Variants in PHKA1 observed in about 807,000 individuals in gnomAD.
PHKA1 encodes phosphorylase kinase regulatory subunit alpha 1, also known as phosphorylase b kinase regulatory subunit alpha, skeletal muscle isoform.
PHKA1 carries 60 observed loss-of-function variants against 110.2 expected under a neutral mutation model. That is an observed-to-expected ratio of 0.54 (90% CI 0.44 to 0.68). The LOEUF is 0.68. Among genes scored for constraint, PHKA1 ranks in the 30% least tolerant of loss-of-function variants. The probability of loss-of-function intolerance (pLI) is 0.00; values close to 1 mark genes in which losing one functional copy is unlikely to be tolerated. For synonymous variants in PHKA1, 316 were observed against 333.6 expected (o/e 0.95, Z 0.58); for missense variants, 801 against 942.5 (o/e 0.85, Z 1.97).
intron 6 of PHKA1, among the ~76,000 whole-genome samples, chrX:72,669,996 A>G (rs2053666938): frequency 1.8e-5 from 2 of 111,125 alleles, no homozygotes; most frequent in Non-Finnish European, 3.8e-5. Context: ...CAGTCCCACC[A>G]ACAGTGTAAA....
intron 28 of PHKA1, among the ~76,000 whole-genome samples, chrX:72,599,346 T>C (rs1419308674): frequency 1.1e-4 from 12 of 111,720 alleles, no homozygotes; most frequent in African/African-American, 3.9e-4. Flanking sequence ...CCTCCTAAAT[T>C]GTAAGCTTCA....
At chrX:72,704,194 A>AATGCAAATTACTGCAAGGAG (rs1556331235) in intron 3 of PHKA1, among the ~76,000 whole-genome samples, 1 of 112,113 alleles carries the variant, frequency 8.9e-6, no homozygotes, top group Non-Finnish European at 1.9e-5. Flanking sequence ...AGGTCAGGAA[A>AATGCAAATTACTGCAAGGAG]ATGCAAATTA....
intron 10 of PHKA1, among the ~76,000 whole-genome samples, chrX:72,655,065 G>A (rs2053475863): frequency 9.1e-6 from 1 of 110,307 alleles, no homozygotes; most frequent in African/African-American, 3.3e-5. Flanking sequence ...CCAAAGTGCT[G>A]GGATTACAGG....
Position 72,714,075 on chromosome X carries a change from G to C in PHKA1, c.-195C>G. ...CCTCTCCGGACTCCGGCGGCCTCAG[G>C]GGCCCACCACGCGCCAGCGCTAGCA... is the stretch of plus-strand genomic sequence containing the variant. On this transcript the variant is annotated 5_prime_UTR_variant, in exon 1 of 32. Coordinates refer to ENST00000373542, the MANE Select transcript of PHKA1 (RefSeq NM_002637.4). 1 of 457,880 alleles carries C rather than the reference G, an allele frequency of 2.2e-6. No homozygotes were observed. Among genetic ancestry groups the C allele is most frequent in the Non-Finnish European group, 3.8e-6 (1 of 260,253 alleles). 37.7% of individuals were successfully genotyped at this position (457,880 alleles called of 1,213,427 possible). A position where few individuals can be genotyped will look rare whatever the true frequency, so the allele number is the denominator to read the frequency against.
At chrX:72,682,934 T>TTAA (rs1556317402) in intron 5 of PHKA1, among the ~76,000 whole-genome samples, 12 of 63,830 alleles carry the variant, frequency 1.9e-4, no homozygotes, top group African/African-American at 5.9e-4. Flanking sequence ...AAAAATAAAT[T>TTAA]AAAAAAAAAA....
chrX:72,713,714 G>T, intron 1 of PHKA1, 89 bp downstream of exon 1: 2 of 617,279 alleles, frequency 3.2e-6, no homozygotes, highest in Non-Finnish European at 5.3e-6. Context: ...ACACACGCAC[G>T]CACGCACGGA....
chrX:72,611,790 A>T (rs1453190423), intron 21 of PHKA1, among the ~76,000 whole-genome samples: 2 of 112,253 alleles, frequency 1.8e-5, no homozygotes, highest in African/African-American at 6.5e-5. Flanking sequence ...TGATAACACT[A>T]TTTTGGTGAG....
intron 4 of PHKA1, among the ~76,000 whole-genome samples, chrX:72,687,618 T>A (rs1200911005): frequency 9.0e-6 from 1 of 110,877 alleles, no homozygotes; most frequent in Non-Finnish European, 1.9e-5. Context: ...TTGCTTCCCC[T>A]TTTCTGTGGT....
chrX:72,642,073 A>C (rs2053303665), intron 14 of PHKA1, among the ~76,000 whole-genome samples: 1 of 112,453 alleles, frequency 8.9e-6, no homozygotes, highest in Non-Finnish European at 1.9e-5. Flanking sequence ...TATCAGGAAG[A>C]TAAATGTCCA....
At chrX:72,651,799 C>G (rs1466007639) in intron 12 of PHKA1, among the ~76,000 whole-genome samples, 1 of 111,675 alleles carries the variant, frequency 9.0e-6, no homozygotes, top group Non-Finnish European at 1.9e-5. Flanking sequence ...TATACATAAA[C>G]AGGTCAAAGA....
At chrX:72,698,674 G>A (rs960181215) in intron 3 of PHKA1, among the ~76,000 whole-genome samples, 2 of 112,542 alleles carry the variant, frequency 1.8e-5, no homozygotes, top group African/African-American at 6.4e-5. Context: ...TAATATTACC[G>A]TAACTTCGAA....
intron 8 of PHKA1, among the ~76,000 whole-genome samples, chrX:72,659,172 A>G (rs1275752700): frequency 2.7e-5 from 3 of 111,219 alleles, no homozygotes; most frequent in African/African-American, 9.8e-5. Context: ...CATTTCATTT[A>G]TTCTCTGGGT....
At chrX:72,669,887 T>C (rs1476796233) in intron 6 of PHKA1, among the ~76,000 whole-genome samples, 1 of 110,751 alleles carries the variant, frequency 9.0e-6, no homozygotes, top group Non-Finnish European at 1.9e-5. Flanking sequence ...ATCCTTTGGG[T>C]ATATACCCAG....
chrX:72,604,624 C>T (rs1317988936), intron 25 of PHKA1, among the ~76,000 whole-genome samples: 1 of 111,409 alleles, frequency 9.0e-6, no homozygotes, highest in African/African-American at 3.3e-5. Flanking sequence ...TATGCCATCC[C>T]TATCTGTATT....
intron 7 of PHKA1, among the ~76,000 whole-genome samples, chrX:72,666,885 T>C (rs782348849): frequency 1.4e-4 from 16 of 112,245 alleles, no homozygotes; most frequent in Non-Finnish European, 2.4e-4. Context: ...CTCATGCCAA[T>C]GAGAAAAACC....
chrX:72,619,654 G>A (rs984934234), intron 19 of PHKA1, among the ~76,000 whole-genome samples: 1 of 111,614 alleles, frequency 9.0e-6, no homozygotes, highest in Non-Finnish European at 1.9e-5. Flanking sequence ...TCTATTTTCC[G>A]AACTTTTCTA....
chrX:72,674,705 GT>G (rs1472580980), intron 6 of PHKA1, among the ~76,000 whole-genome samples: 4 of 111,706 alleles, frequency 3.6e-5, no homozygotes, highest in African/African-American at 1.3e-4. Context: ...AAAAATATTT[GT>G]GTAAATTTAC....
chrX:72,706,230 G>T (rs1556332318), intron 2 of PHKA1, among the ~76,000 whole-genome samples: 1 of 111,922 alleles, frequency 8.9e-6, no homozygotes, highest in Non-Finnish European at 1.9e-5. Context: ...CTGTGGGAGA[G>T]TCCCCTTTCT....
intron 12 of PHKA1, among the ~76,000 whole-genome samples, chrX:72,652,233 G>A (rs1466968980): frequency 9.0e-6 from 1 of 111,650 alleles, no homozygotes; most frequent in Non-Finnish European, 1.9e-5. Flanking sequence ...AAGCACAAAT[G>A]CATCTGTTAG....
Sources: gnomAD v4.1 joint callset for allele counts (sites outside exome capture counted in the v4.1 genomes callset) on GRCh38, gnomAD v4.1.1 for gene constraint, MANE v1.5 for transcripts, NCBI Gene and HGNC (gene_info 2026-07-23, HGNC 2026-07-21) for gene names.